Variants in NBL1 observed in about 807,000 individuals in gnomAD.
NBL1 encodes NBL1, DAN family BMP antagonist.
In NBL1, 9 loss-of-function variants were observed where a neutral mutation model predicts 16.0. The ratio of observed to expected loss-of-function variants is 0.56; its 90% CI spans 0.34 to 0.98. NBL1 has a LOEUF of 0.98. NBL1 is among the 50% of genes least tolerant of loss of function. NBL1 has a pLI of 0.02. For missense variants in NBL1, 196 were observed against 243.1 expected, an observed-to-expected ratio of 0.81 and a Z score of 1.29; for synonymous variants, 86 against 100.7, an observed-to-expected ratio of 0.85 and a Z score of 0.87.
Position 19,657,900 on chromosome 1 carries a change from C to T in NBL1, c.*771C>T, listed in dbSNP as rs977190742. The T allele has an allele frequency of 6.5e-6, 1 of 152,730 alleles. No homozygotes were observed. The highest frequency in any genetic ancestry group is 1.5e-5 in the Non-Finnish European group (1 of 68,098). 9.5% of individuals were successfully genotyped at this position (152,730 alleles called of 1,614,324 possible). On this transcript the variant is annotated 3_prime_UTR_variant, in exon 4 of 4. Transcript: ENST00000375136. The stretch of plus-strand genomic sequence containing the variant: ...ACCATCCCTGAAGACGAGCATCCCC[C>T]TCCTCTCCCTGTTAGAAATGTTAGT...
In NBL1 at chr1:19,657,370, T is replaced by TG. The variant is rs3833542; in HGVS notation, c.*249dup. ...GCAGAGGTCTTCAGGGCTCTTTTTTTGGGGGGGGTGGTCTCTTCCTGTCTG... is the reference window on the plus strand; with the variant it reads ...GCAGAGGTCTTCAGGGCTCTTTTTTTGGGGGGGGGTGGTCTCTTCCTGTCTG... On this transcript the variant is annotated 3_prime_UTR_variant, in exon 4 of 4. Transcript: ENST00000375136. 9,739 of 143,916 alleles carry TG rather than the reference T, an allele frequency of 0.068. 594 individuals carry two copies. Among genetic ancestry groups the TG allele is most frequent in the African/African-American group, 0.16 (5,277 of 33,964 alleles). The allele number at this position is 143,916 out of a possible 1,614,324, so 8.9% of individuals were successfully genotyped here.
chr1:19,653,007 G>T (rs1224336838), intron 1 of NBL1, among the ~76,000 whole-genome samples: 1 of 146,006 alleles, frequency 6.8e-6, no homozygotes, highest in Non-Finnish European at 1.5e-5. Flanking sequence ...GATAAGTAAG[G>T]CCGGGCGCAG....
chr1:19,652,606 C>T (rs754048935), intron 1 of NBL1, among the ~76,000 whole-genome samples: 6 of 152,070 alleles, frequency 3.9e-5, no homozygotes, highest in African/African-American at 2.4e-5. Flanking sequence ...GGATGGGGAG[C>T]GGAGTGCTTG....
chr1:19,652,850 T>A (rs1431106492), intron 1 of NBL1, among the ~76,000 whole-genome samples: 2 of 151,496 alleles, frequency 1.3e-5, no homozygotes, highest in East Asian at 3.9e-4. Flanking sequence ...CAGCCAGGTG[T>A]GGTGGCGAAT....
At position 19,657,041 on chromosome 1, in the gene NBL1, A is replaced by G; in HGVS notation, c.458A>G (p.His153Arg). 2 of 1,188,968 alleles carry G rather than the reference A, an allele frequency of 1.7e-6. No homozygotes were observed. The highest frequency in any genetic ancestry group is 2.2e-6 in the Non-Finnish European group (2 of 928,834). 73.7% of individuals were successfully genotyped at this position (1,188,968 alleles called of 1,614,324 possible). The part of the protein sequence containing the change: ...GSQPGTHPHP[H>R]PHPHPGGQTP... ...CAGCCCGGCACCCACCCTCACCCCCATCCCCACCCCCATCCTGGCGGGCAG... is the reference window on the plus strand; with the variant it reads ...CAGCCCGGCACCCACCCTCACCCCCGTCCCCACCCCCATCCTGGCGGGCAG... Residue 153 changes from histidine to arginine, a missense_variant, in exon 4 of 4, where the codon CAT (histidine) becomes CGT (arginine). Physicochemically the swap from His to Arg is conservative, Grantham distance 29 (BLOSUM62 0). Transcript: ENST00000375136.
Position 19,657,045 on chromosome 1 carries a change from CCACCCCCATCCT to C in NBL1, c.463_474del (p.His155_Pro158del). 1 of 1,550,344 alleles carries C rather than the reference CCACCCCCATCCT, an allele frequency of 6.5e-7. No individual in the cohort carries two copies. Among genetic ancestry groups the C allele is most frequent in the Non-Finnish European group, 8.7e-7 (1 of 1,147,136 alleles). On this transcript the variant is annotated inframe_deletion, in exon 4 of 4. Coordinates refer to ENST00000375136, the MANE Select transcript of NBL1 (RefSeq NM_005380.8). ...CCGGCACCCACCCTCACCCCCATCC[CCACCCCCATCCT>C]GGCGGGCAGACCCCTGAGCCCGAGG...
At chr1:19,653,886 G>A (rs1370223232) in intron 1 of NBL1, among the ~76,000 whole-genome samples, 1 of 152,180 alleles carries the variant, frequency 6.6e-6, no homozygotes, top group East Asian at 1.9e-4. Flanking sequence ...GGCAGATCCT[G>A]GTATTGTTTT....
rs2095060219 is a variant in NBL1 at position 19,657,023 on chromosome 1, G to C, written c.440G>C (p.Gly147Ala). The C allele has an allele frequency of 2.5e-6, 4 of 1,569,404 alleles. No individual in the cohort carries two copies. The highest frequency in any genetic ancestry group is 3.5e-6 in the Non-Finnish European group (4 of 1,157,992). The change falls in exon 4 of 4, where the codon GGC (glycine) becomes GCC (alanine). Residue 147 changes from glycine to alanine, a missense_variant. Gly to Ala is a moderately conservative substitution (Grantham distance 60). Transcript: ENST00000375136. ...QGEDGPGSQPGTHPHPHPHPH... is the reference protein window; with the variant it reads ...QGEDGPGSQPATHPHPHPHPH... Reference sequence around the variant, plus strand: ...GAGGACGGGCCGGGATCCCAGCCCGGCACCCACCCTCACCCCCATCCCCAC... The same window carrying C: ...GAGGACGGGCCGGGATCCCAGCCCGCCACCCACCCTCACCCCCATCCCCAC...
intron 1 of NBL1, among the ~76,000 whole-genome samples, chr1:19,647,997 T>TG (rs2094994760): frequency 6.6e-6 from 1 of 152,060 alleles, no homozygotes; most frequent in Non-Finnish European, 1.5e-5. Flanking sequence ...ACAGGTGGTT[T>TG]GGGGTATGCC....
intron 1 of NBL1, among the ~76,000 whole-genome samples, chr1:19,653,878 C>T (rs1446649558): frequency 1.3e-5 from 2 of 152,228 alleles, no homozygotes; most frequent in Non-Finnish European, 2.9e-5. Flanking sequence ...CACCTTTTGG[C>T]AGATCCTGGT....
chr1:19,647,971 T>C (rs2094994518), intron 1 of NBL1, among the ~76,000 whole-genome samples: 3 of 152,124 alleles, frequency 2.0e-5, no homozygotes, highest in Admixed American at 2.0e-4. Context: ...CTGTGTGTTC[T>C]GCGTTCATAG....
Position 19,655,166 on chromosome 1 carries a change from C to T in NBL1, c.136C>T (p.His46Tyr). 6.2e-7 allele frequency: 1 copy of T among 1,609,694 alleles called. No homozygotes were observed. Among genetic ancestry groups the T allele is most frequent in the Non-Finnish European group, 8.5e-7 (1 of 1,178,174 alleles). ...EAKNITQIVGHSGCEAKSIQN... is the reference protein window; with the variant it reads ...EAKNITQIVGYSGCEAKSIQN... ...CAAGAACATCACCCAGATCGTGGGC[C>T]ACAGCGGCTGTGAGGCCAAGTCCAT... Residue 46 changes from histidine to tyrosine, a missense_variant, in exon 2 of 4, where the codon CAC becomes TAC. By Grantham distance (83) the His-to-Tyr change is moderately conservative. Coordinates refer to ENST00000375136, the MANE Select transcript of NBL1 (RefSeq NM_005380.8).
chr1:19,643,318 G>A (rs774846005), upstream of NBL1: 48 of 1,613,738 alleles, frequency 3.0e-5, 1 homozygote, highest in Middle Eastern at 6.6e-4. The surrounding 1 kb of genome is among the most constrained non-coding windows in gnomAD (Gnocchi z 4.7). Context: ...CAGGATGCCC[G>A]GCAACCTCAT....
rs573229974 is a variant in NBL1 at position 19,644,973 on chromosome 1, C to T, written c.-20+527C>T. On this transcript the variant is annotated intron_variant, in intron 1 of 3. Coordinates refer to ENST00000375136, the MANE Select transcript of NBL1 (RefSeq NM_005380.8). This position sits in a 1 kb window ranked among gnomAD's most constrained non-coding sequence, Gnocchi z 4.6. ...TCTCTTTCCGTTCCCCGCCTGCCTC[C>T]GTGTTCGGCTGCCCGCGTTTGTGTC... Among the ~76,000 whole-genome samples the T allele has an allele frequency of 3.2e-4, 49 of 152,232 alleles. No individual in the cohort carries two copies. The South Asian group carries it at 9.1e-3, about 28-fold the overall frequency.
chr1:19,651,829 G>A (rs886894684), intron 1 of NBL1, among the ~76,000 whole-genome samples: 1 of 152,076 alleles, frequency 6.6e-6, no homozygotes, highest in Non-Finnish European at 1.5e-5. Flanking sequence ...CACATAGCTG[G>A]ACTACAGGTG....
At chr1:19,647,390 C>T (rs550954899) in intron 1 of NBL1, among the ~76,000 whole-genome samples, 18 of 152,196 alleles carry the variant, frequency 1.2e-4, no homozygotes, top group African/African-American at 2.6e-4. Flanking sequence ...TGTGCCACCG[C>T]GCTCCAGCCT....
chr1:19,648,335 G>T (rs192765046), intron 1 of NBL1, among the ~76,000 whole-genome samples: 1 of 152,198 alleles, frequency 6.6e-6, no homozygotes, highest in South Asian at 2.1e-4. Context: ...TTTCCTGGGG[G>T]CTGGGAGGCC....
At chr1:19,646,541 C>G (rs1229470639) in intron 1 of NBL1, among the ~76,000 whole-genome samples, 1 of 152,220 alleles carries the variant, frequency 6.6e-6, no homozygotes, top group African/African-American at 2.4e-5. Flanking sequence ...CTTCACAGAG[C>G]AACAATTTCA....
At chr1:19,645,889 C>G in intron 1 of NBL1, 2 of 1,543,836 alleles carry the variant, frequency 1.3e-6, no homozygotes, top group East Asian at 2.4e-5. Flanking sequence ...CCTCAAGGGT[C>G]GGAGGCTGCC....
Sources: allele counts gnomAD v4.1 joint callset (sites outside exome capture counted in the v4.1 genomes callset), GRCh38; gene constraint gnomAD v4.1.1; non-coding constraint Gnocchi (gnomAD v3.1); transcripts MANE v1.5; gene names NCBI Gene and HGNC (gene_info 2026-07-23, HGNC 2026-07-21).